The following NRXN3 variants were observed in gnomAD, a reference collection of about 807,000 sequenced individuals.
NRXN3 encodes neurexin III.
Under a neutral mutation model 137.6 loss-of-function variants are expected in NRXN3, and 32 were observed. The ratio of observed to expected loss-of-function variants is 0.23; its 90% CI spans 0.18 to 0.31. The LOEUF is 0.31. Ranked by LOEUF, NRXN3 falls within the 10% of genes least tolerant of loss-of-function variation. The pLI is 1.00. For synonymous variants in NRXN3, 798 were observed against 784.5 expected (o/e 1.02, Z -0.29); for missense variants, 1,574 against 2,062.5 (o/e 0.76, Z 4.59).
intron 15 of NRXN3, among the ~76,000 whole-genome samples, chr14:79,018,900 G>A (rs115109660): frequency 3.9e-5 from 6 of 152,124 alleles, no homozygotes; most frequent in Non-Finnish European, 8.8e-5. Flanking sequence ...AATTACAGCT[G>A]CTGATTAAAC....
intron 10 of NRXN3, among the ~76,000 whole-genome samples, chr14:78,950,116 A>C (rs1191962084): frequency 6.6e-6 from 1 of 152,210 alleles, no homozygotes; most frequent in Non-Finnish European, 1.5e-5. Context: ...AAAAGTGGAG[A>C]AAGTTTCAGT....
chr14:78,988,192 T>C, intron 15 of NRXN3, 51 bp downstream of exon 15: 3 of 1,607,330 alleles, frequency 1.9e-6, no homozygotes, highest in African/African-American at 1.3e-5. Flanking sequence ...GTTTGGAGAT[T>C]TGGAGAATCT....
chr14:79,110,155 A>T (rs767054753), intron 15 of NRXN3, among the ~76,000 whole-genome samples: 1 of 152,202 alleles, frequency 6.6e-6, no homozygotes, highest in Admixed American at 6.5e-5. Flanking sequence ...AATGGGAAAA[A>T]AATTCAGGAA....
intron 10 of NRXN3, among the ~76,000 whole-genome samples, chr14:78,915,443 G>A (rs1394801162): frequency 7.0e-6 from 1 of 142,616 alleles, no homozygotes; most frequent in Non-Finnish European, 1.5e-5. Context: ...CAAAGAAATA[G>A]TATTCAATTT....
intron 15 of NRXN3, among the ~76,000 whole-genome samples, chr14:79,036,564 A>G (rs1285784233): frequency 7.0e-6 from 1 of 143,298 alleles, no homozygotes; most frequent in East Asian, 2.0e-4. Context: ...CTGCTTCATC[A>G]TTATTTTATT....
intron 4 of NRXN3, among the ~76,000 whole-genome samples, chr14:78,563,029 C>G (rs2096801700): frequency 6.6e-6 from 1 of 152,186 alleles, no homozygotes; most frequent in African/African-American, 2.4e-5. Context: ...ACCTCATTCA[C>G]ATAAATAGCT....
chr14:79,322,374 C>T (rs949385634), intron 15 of NRXN3, among the ~76,000 whole-genome samples: 4 of 152,174 alleles, frequency 2.6e-5, no homozygotes, highest in Admixed American at 6.5e-5. Flanking sequence ...ACCGCATTTA[C>T]GGATGGCACA....
In NRXN3 at chr14:79,413,184, A is replaced by C. The variant is rs77383325; in HGVS notation, c.3263-54037A>C. On this transcript the variant is annotated intron_variant, in intron 15 of 20. Transcript: ENST00000335750. ...CTTCCCACTCGTCTTTGTTTGGCTT[A>C]CTTTCTACTGTGCTTCTCTCTATCA... Among the ~76,000 whole-genome samples, 766 of 152,206 alleles carry C rather than the reference A, an allele frequency of 5.0e-3. 9 individuals carry two copies. The highest frequency in any genetic ancestry group is 0.016 in the African/African-American group (683 of 41,546).
At chr14:78,645,576 GTGGAAAATTATTAAAA>G (rs1566963973) in intron 5 of NRXN3, 155 bp downstream of exon 5, 33 of 530,616 alleles carry the variant, frequency 6.2e-5, no homozygotes, top group Non-Finnish European at 1.0e-4. Flanking sequence ...GCAATTTCAC[GTGGAAAATTATTAAAA>G]TATGTTTCTC....
At chr14:78,733,456 C>A (rs2098526402) in intron 8 of NRXN3, among the ~76,000 whole-genome samples, 1 of 152,112 alleles carries the variant, frequency 6.6e-6, no homozygotes, top group African/African-American at 2.4e-5. Context: ...AGATAATTTT[C>A]TAAGGAAGAA....
intron 1 of NRXN3, among the ~76,000 whole-genome samples, chr14:78,172,860 G>A (rs1043986228): frequency 5.9e-5 from 9 of 152,160 alleles, no homozygotes; most frequent in East Asian, 1.9e-4. Context: ...AGACAGCTAC[G>A]TCTTTGCTTC....
At chr14:78,407,977 C>A (rs2092596245) in intron 4 of NRXN3, among the ~76,000 whole-genome samples, 1 of 152,118 alleles carries the variant, frequency 6.6e-6, no homozygotes, top group Non-Finnish European at 1.5e-5. Flanking sequence ...TGACGTGAAA[C>A]AGGCCTGAGT....
intron 15 of NRXN3, among the ~76,000 whole-genome samples, chr14:79,315,684 T>C (rs1253535465): frequency 6.6e-6 from 1 of 152,204 alleles, no homozygotes; most frequent in Non-Finnish European, 1.5e-5. Context: ...CTAACCAGGT[T>C]AATTATTTTC....
At chr14:78,635,374 T>C (rs2097558683) in intron 4 of NRXN3, among the ~76,000 whole-genome samples, 1 of 152,224 alleles carries the variant, frequency 6.6e-6, no homozygotes, top group South Asian at 2.1e-4. Context: ...CCTTCATGAC[T>C]TCTATATTAT....
At chr14:78,902,470 T>C (rs916049698) in intron 10 of NRXN3, among the ~76,000 whole-genome samples, 1 of 152,082 alleles carries the variant, frequency 6.6e-6, no homozygotes, top group Non-Finnish European at 1.5e-5. Context: ...CATTTAATGT[T>C]TTCTTGGAAA....
rs750622704 is a variant in NRXN3, at chr14:78,966,155, C to A, written c.2526C>A (p.Gly842=). The change falls in exon 12 of 21, where the codon GGC becomes GGA. Residue 842 remains glycine, a synonymous_variant. Transcript: ENST00000335750. ...ATCTGCAGAGCCTCATGTTTAATGG[C>A]CTTCTCTACATTGACTTGTGCAAAA... is the stretch of plus-strand genomic sequence containing the variant. ...IGHLQSLMFN[G]LLYIDLCKNG... 7.4e-6 allele frequency: 12 copies of A among 1,614,164 alleles called. No homozygotes were observed. The highest frequency in any genetic ancestry group is 1.7e-5 in the Admixed American group (1 of 60,016).
At chr14:78,977,577 A>G (rs967165677) in intron 14 of NRXN3, among the ~76,000 whole-genome samples, 2 of 152,134 alleles carry the variant, frequency 1.3e-5, no homozygotes, top group Admixed American at 1.3e-4. Context: ...CAGGCATCCC[A>G]TGAAAATAGG....
At chr14:79,266,820 C>T (rs2078529217) in intron 15 of NRXN3, among the ~76,000 whole-genome samples, 1 of 152,188 alleles carries the variant, frequency 6.6e-6, no homozygotes, top group South Asian at 2.1e-4. Context: ...TGAACAACTG[C>T]AAGTTATCTG....
At chr14:79,451,577 T>C (rs1198242054) in intron 15 of NRXN3, among the ~76,000 whole-genome samples, 1 of 152,206 alleles carries the variant, frequency 6.6e-6, no homozygotes, top group South Asian at 2.1e-4. Flanking sequence ...CCTGTTACCA[T>C]AGAAGTCTTA....
Sources: allele counts gnomAD v4.1 joint callset (sites outside exome capture counted in the v4.1 genomes callset), GRCh38; gene constraint gnomAD v4.1.1; transcripts MANE v1.5; gene names NCBI Gene and HGNC (gene_info 2026-07-23, HGNC 2026-07-21).